The following BICD1 variants were observed in gnomAD, a reference collection of about 807,000 sequenced individuals.
BICD1 encodes the protein BICD cargo adaptor 1, also known as protein bicaudal D homolog 1.
A neutral mutation model predicts 92.5 loss-of-function variants in BICD1; 35 were observed. The ratio of observed to expected loss-of-function variants is 0.38; its 90% CI spans 0.29 to 0.50. BICD1 has a LOEUF of 0.50. BICD1 is among the 20% of genes least tolerant of loss of function. The probability of loss-of-function intolerance (pLI) is 0.93; values close to 1 mark genes in which losing one functional copy is unlikely to be tolerated. For synonymous variants in BICD1, 429 were observed against 465.1 expected (o/e 0.92, Z 1.00); for missense variants, 950 against 1,189.8 (o/e 0.80, Z 2.97).
intron 2 of BICD1, among the ~76,000 whole-genome samples, chr12:32,273,927 G>A (rs1430692647): frequency 6.6e-6 from 1 of 152,160 alleles, no homozygotes; most frequent in Non-Finnish European, 1.5e-5. Flanking sequence ...AAGAGGCCAG[G>A]CTCCTCCCCG....
intron 1 of BICD1, among the ~76,000 whole-genome samples, chr12:32,143,263 T>A (rs756372988): frequency 1.3e-5 from 2 of 152,134 alleles, no homozygotes; most frequent in Admixed American, 6.6e-5. Flanking sequence ...CACCGCACAA[T>A]CTCCATTTGT....
At chr12:32,201,156 C>T (rs1056047932) in intron 1 of BICD1, among the ~76,000 whole-genome samples, 1 of 152,184 alleles carries the variant, frequency 6.6e-6, no homozygotes. Context: ...GAAAGAAAAT[C>T]TCCTTTCTAT....
At chr12:32,135,092 A>T (rs1463055569) in intron 1 of BICD1, among the ~76,000 whole-genome samples, 8 of 129,388 alleles carry the variant, frequency 6.2e-5, no homozygotes, top group African/African-American at 1.2e-4. Context: ...CCCCTCCTTT[A>T]TTTTTTTTTT....
rs1215142161 is a variant in BICD1, at chr12:32,337,213, C to T, written c.2253-286C>T. On this transcript the variant is annotated intron_variant, in intron 6 of 9. Transcript: ENST00000652176. This position sits in a 1 kb window ranked among gnomAD's most constrained non-coding sequence, Gnocchi z 4.7. ...AGTGAGCCAAGATCACGCCACTGCA[C>T]TCCAGCCTGGGCGATACAGCGAGAC... Among the ~76,000 whole-genome samples, 2 of 152,168 alleles carry T rather than the reference C, an allele frequency of 1.3e-5. No homozygotes were observed. The highest frequency in any genetic ancestry group is 2.4e-5 in the African/African-American group (1 of 41,422).
intron 9 of BICD1, among the ~76,000 whole-genome samples, chr12:32,375,679 C>A (rs1939927285): frequency 6.6e-6 from 1 of 152,128 alleles, no homozygotes; most frequent in Non-Finnish European, 1.5e-5. Flanking sequence ...AGCAAAGCTT[C>A]TTTTAAACTA....
At chr12:32,348,726 ATATATATATATAT>A (rs1565688906) in intron 8 of BICD1, among the ~76,000 whole-genome samples, 149 of 3,768 alleles carry the variant, frequency 0.04, 2 homozygotes, top group South Asian at 0.028. Flanking sequence ...ACACAAAAAT[ATATATATATATAT>A]ATATATATAT....
rs986503549 is a variant in BICD1, at chr12:32,216,268, A to G, written c.235A>G (p.Ile79Val). The G allele has an allele frequency of 6.2e-7, 1 of 1,613,810 alleles. No homozygotes were observed. Among genetic ancestry groups the G allele is most frequent in the Non-Finnish European group, 8.5e-7 (1 of 1,179,980 alleles). Residue 79 changes from isoleucine to valine, a missense_variant, in exon 2 of 10, where the codon ATC becomes GTC. Around this residue, in one of 5 missense-constraint regions of BICD1, gnomAD observed 202 missense variants for 205.3 expected, o/e 0.98. Transcript: ENST00000652176. ...LKEAFGQSFS[I>V]HRKVAEDGET... is the part of the protein sequence containing the mutation. ...GCAGGCATTTGGGCAGTCCTTCTCCATCCACCGGAAGGTTGCTGAAGATGG... is the reference window on the plus strand; with the variant it reads ...GCAGGCATTTGGGCAGTCCTTCTCCGTCCACCGGAAGGTTGCTGAAGATGG...
chr12:32,127,219 C>G (rs1042663206), intron 1 of BICD1, among the ~76,000 whole-genome samples: 1 of 152,046 alleles, frequency 6.6e-6, no homozygotes, highest in African/African-American at 2.4e-5. Flanking sequence ...CTTAAGAAAT[C>G]CTTTCCATGA....
chr12:32,157,344 AT>A lies in BICD1; in HGVS notation c.213+49803del, dbSNP rs1943469981. Among the ~76,000 whole-genome samples, 4 of 152,324 alleles carry A rather than the reference AT, an allele frequency of 2.6e-5. No individual in the cohort carries two copies. In the South Asian group the frequency reaches 8.3e-4, roughly 32 times the overall value. Reference sequence around the variant, plus strand: ...AGACGTTAATGAAGAATCCAGTCCCATTTGTACAAATGCCAAGGAGTTTACC... The same window carrying A: ...AGACGTTAATGAAGAATCCAGTCCCATTGTACAAATGCCAAGGAGTTTACC... On this transcript the variant is annotated intron_variant, in intron 1 of 9. Transcript: ENST00000652176.
At chr12:32,118,320 A>T (rs1050403341) in intron 1 of BICD1, among the ~76,000 whole-genome samples, 2 of 151,306 alleles carry the variant, frequency 1.3e-5, no homozygotes, top group African/African-American at 4.9e-5. Flanking sequence ...TGACCTTGTG[A>T]TCCGCCCGCC....
intron 5 of BICD1, among the ~76,000 whole-genome samples, chr12:32,333,639 T>G (rs1338210070): frequency 6.6e-6 from 1 of 152,228 alleles, no homozygotes; most frequent in African/African-American, 2.4e-5. Context: ...TTCCAGTTTG[T>G]AAAAATCATG....
intron 1 of BICD1, among the ~76,000 whole-genome samples, chr12:32,111,760 A>T (rs1486842760): frequency 2.0e-5 from 3 of 151,726 alleles, no homozygotes; most frequent in African/African-American, 7.3e-5. Context: ...CGCATTCACC[A>T]CCACACCTGG....
intron 3 of BICD1, among the ~76,000 whole-genome samples, chr12:32,298,559 C>T (rs1183612266): frequency 8.9e-6 from 1 of 112,324 alleles, no homozygotes; most frequent in African/African-American, 3.5e-5. Context: ...AGTGAGACTC[C>T]GATCCACCTC....
At chr12:32,272,971 A>T (rs1003322132) in intron 2 of BICD1, among the ~76,000 whole-genome samples, 8 of 152,220 alleles carry the variant, frequency 5.3e-5, no homozygotes, top group Non-Finnish European at 1.0e-4. Flanking sequence ...CTGCAAAGAT[A>T]TAGTTTATAG....
intron 1 of BICD1, among the ~76,000 whole-genome samples, chr12:32,138,658 G>T (rs1942809014): frequency 6.6e-6 from 1 of 152,136 alleles, no homozygotes; most frequent in African/African-American, 2.4e-5. Context: ...TTTGTGTTAG[G>T]TGATTTTTGC....
intron 1 of BICD1, among the ~76,000 whole-genome samples, chr12:32,199,763 C>G (rs1312080926): frequency 1.3e-5 from 2 of 152,162 alleles, no homozygotes; most frequent in Non-Finnish European, 2.9e-5. Flanking sequence ...ATGTCTCCTG[C>G]TTAAATCACG....
At chr12:32,290,765 T>C (rs549859015) in intron 2 of BICD1, among the ~76,000 whole-genome samples, 1 of 152,332 alleles carries the variant, frequency 6.6e-6, no homozygotes, top group South Asian at 2.1e-4. Context: ...ATGTGTTCTT[T>C]TAGCAATTTC....
At chr12:32,333,078 C>G in intron 5 of BICD1, 1 of 984,668 alleles carries the variant, frequency 1.0e-6, no homozygotes, top group Non-Finnish European at 1.2e-6. Context: ...TCTAGCTCTT[C>G]TGTTATCCCC....
At chr12:32,148,829 AG>A (rs1943195506) in intron 1 of BICD1, among the ~76,000 whole-genome samples, 1 of 152,176 alleles carries the variant, frequency 6.6e-6, no homozygotes, top group African/African-American at 2.4e-5. Flanking sequence ...AGACCAGCCT[AG>A]GCAACATGGT....
Sources: gnomAD v4.1 joint callset for allele counts (sites outside exome capture counted in the v4.1 genomes callset) on GRCh38, gnomAD v4.1.1 for gene constraint, gnomAD v4.1.1 regional missense constraint, Gnocchi (gnomAD v3.1) non-coding constraint, MANE v1.5 for transcripts, NCBI Gene and HGNC (gene_info 2026-07-23, HGNC 2026-07-21) for gene names.